The following FGF14 variants were observed in gnomAD, a reference collection of about 807,000 sequenced individuals.
The protein encoded by FGF14 is fibroblast growth factor homologous factor 4.
A neutral mutation model predicts 25.5 loss-of-function variants in FGF14; 5 were observed. The observed-to-expected ratio is 0.20, with a 90% CI of 0.10 to 0.41. The LOEUF (loss-of-function observed/expected upper bound fraction) is 0.41. FGF14 is among the 10% of genes least tolerant of loss of function. FGF14 has a pLI of 1.00. For synonymous variants in FGF14, 138 were observed against 118.3 expected (o/e 1.17, Z -1.08); for missense variants, 222 against 320.1 (o/e 0.69, Z 2.34).
chr13:101,967,836 A>G (rs1378700341), intron 1 of FGF14: 1 of 153,406 alleles, frequency 6.5e-6, no homozygotes, highest in Non-Finnish European at 1.5e-5. Context: ...TTAAACACCC[A>G]ATAAATTCCT....
Position 102,087,669 on chromosome 13 carries a change from C to T in FGF14, c.209-212373G>A, listed in dbSNP as rs559582290. On this transcript the variant is annotated intron_variant, in intron 1 of 4. Transcript: ENST00000376131. The stretch of plus-strand genomic sequence containing the variant: ...TCGATCTCCTGACCTCGTGATCTAT[C>T]CACCTCGGCCTCCCAAAGTGCTGGG... 5.7e-4 allele frequency among the ~76,000 whole-genome samples: 84 copies of T among 147,428 alleles called. No homozygotes were observed. The South Asian group carries it at 0.017, about 31-fold the overall frequency.
intron 1 of FGF14, among the ~76,000 whole-genome samples, chr13:102,325,326 C>T (rs147129763): frequency 2.0e-5 from 3 of 152,062 alleles, no homozygotes; most frequent in African/African-American, 7.2e-5. Flanking sequence ...TTTAGAAAAA[C>T]GTTGTGAAAT....
In FGF14 at chr13:101,718,598, T is replaced by C. The variant is rs770759755; in HGVS notation, c.*4233A>G. 6.6e-6 allele frequency: 1 copy of C among 151,978 alleles called. No individual in the cohort carries two copies. Among genetic ancestry groups the C allele is most frequent in the Non-Finnish European group, 1.5e-5 (1 of 67,980 alleles). The allele number at this position is 151,978 out of a possible 1,614,324, so 9.4% of individuals were successfully genotyped here. A position where few individuals can be genotyped will look rare whatever the true frequency, so the allele number is the denominator to read the frequency against. On this transcript the variant is annotated 3_prime_UTR_variant, in exon 5 of 5. Coordinates refer to ENST00000376143, the MANE Select transcript of FGF14 (RefSeq NM_004115.4). ...TCACTGAGGTATTCCACCCAGAGAC[T>C]TTTTCAAAAAAGTCAACTAAAGTGC...
intron 3 of FGF14, among the ~76,000 whole-genome samples, chr13:101,790,184 T>C (rs1033453952): frequency 6.6e-6 from 1 of 151,696 alleles, no homozygotes; most frequent in African/African-American, 2.4e-5. Context: ...CCAAGCTTTA[T>C]TTTTTAAAAT....
intron 1 of FGF14, among the ~76,000 whole-genome samples, chr13:101,890,392 G>A (rs924931564): frequency 6.6e-6 from 1 of 151,976 alleles, no homozygotes; most frequent in African/African-American, 2.4e-5. Flanking sequence ...TGACTGCCCA[G>A]GACTTGTAAA....
At chr13:101,889,541 A>G (rs2046164917) in intron 1 of FGF14, among the ~76,000 whole-genome samples, 2 of 152,198 alleles carry the variant, frequency 1.3e-5, no homozygotes, top group African/African-American at 4.8e-5. Context: ...ATAACCAGAC[A>G]TATTTATAAA....
intron 1 of FGF14, among the ~76,000 whole-genome samples, chr13:102,282,018 A>C (rs537149404): frequency 2.6e-5 from 4 of 151,584 alleles, no homozygotes; most frequent in Non-Finnish European, 5.9e-5. Flanking sequence ...ATAAATTCAG[A>C]AGATGCCACA....
intron 3 of FGF14, among the ~76,000 whole-genome samples, chr13:101,823,936 A>G (rs1470424255): frequency 6.6e-6 from 1 of 151,710 alleles, no homozygotes; most frequent in East Asian, 1.9e-4. Flanking sequence ...TATAATATTT[A>G]TGCACACATT....
intron 1 of FGF14, among the ~76,000 whole-genome samples, chr13:102,309,156 A>ACACG (rs1045528127): frequency 9.7e-4 from 147 of 151,842 alleles, no homozygotes; most frequent in African/African-American, 3.4e-3. Context: ...ACACACACAC[A>ACACG]CACACACACA....
At chr13:101,910,776 C>G (rs1488794976) in intron 1 of FGF14, among the ~76,000 whole-genome samples, 1 of 151,142 alleles carries the variant, frequency 6.6e-6, no homozygotes, top group African/African-American at 2.4e-5. Flanking sequence ...CTAATGCAAA[C>G]ACTGTAACTG....
chr13:102,150,482 C>T (rs2047037038), intron 1 of FGF14, among the ~76,000 whole-genome samples: 1 of 152,178 alleles, frequency 6.6e-6, no homozygotes, highest in South Asian at 2.1e-4. Flanking sequence ...ACCATTCTCA[C>T]TTACGTTATT....
chr13:102,225,618 T>C (rs886621011), intron 1 of FGF14, among the ~76,000 whole-genome samples: 1 of 152,130 alleles, frequency 6.6e-6, no homozygotes, highest in South Asian at 2.1e-4. Flanking sequence ...ACTGATAATA[T>C]TAGGTCCCTG....
intron 1 of FGF14, among the ~76,000 whole-genome samples, chr13:101,995,460 C>T (rs1036996364): frequency 4.6e-5 from 7 of 152,112 alleles, no homozygotes; most frequent in African/African-American, 1.7e-4. Flanking sequence ...GTCAAATATT[C>T]TGCCTAATGT....
At chr13:102,026,109 GTTCTC>G (rs1365028734) in intron 1 of FGF14, among the ~76,000 whole-genome samples, 1 of 151,934 alleles carries the variant, frequency 6.6e-6, no homozygotes, top group Non-Finnish European at 1.5e-5. Context: ...CTTTATTGAA[GTTCTC>G]TTCTGTTCCT....
chr13:102,283,287 T>C (rs539306765), intron 1 of FGF14, among the ~76,000 whole-genome samples: 3 of 152,224 alleles, frequency 2.0e-5, no homozygotes, highest in African/African-American at 7.2e-5. Flanking sequence ...CTGGGAAATG[T>C]AGCCTTTAGC....
chr13:102,089,742 A>C (rs1411197389), intron 1 of FGF14, among the ~76,000 whole-genome samples: 1 of 152,208 alleles, frequency 6.6e-6, no homozygotes, highest in Admixed American at 6.5e-5. Context: ...AAGACATAGA[A>C]ATTGAAAAGA....
chr13:101,885,042 C>T (rs1277292316), intron 1 of FGF14, among the ~76,000 whole-genome samples: 1 of 152,116 alleles, frequency 6.6e-6, no homozygotes, highest in African/African-American at 2.4e-5. Context: ...ACAGACAGAC[C>T]TTGCTTATTA....
intron 1 of FGF14, among the ~76,000 whole-genome samples, chr13:102,294,354 C>A (rs1327890994): frequency 2.0e-5 from 3 of 151,540 alleles, no homozygotes; most frequent in African/African-American, 2.4e-5. Context: ...AAATAACAGG[C>A]CTTTTCTCCA....
intron 1 of FGF14, among the ~76,000 whole-genome samples, chr13:101,948,139 T>C (rs2035928916): frequency 6.6e-6 from 1 of 152,254 alleles, no homozygotes; most frequent in African/African-American, 2.4e-5. Context: ...TTAGCAATGG[T>C]ACATAGTAAA....
Sources: gnomAD v4.1 joint callset for allele counts (sites outside exome capture counted in the v4.1 genomes callset) on GRCh38, gnomAD v4.1.1 for gene constraint, MANE v1.5 for transcripts, NCBI Gene and HGNC (gene_info 2026-07-23, HGNC 2026-07-21) for gene names.